Variants in EPM2A observed in about 807,000 individuals in gnomAD.
EPM2A encodes laforin.
EPM2A carries 21 observed loss-of-function variants against 26.5 expected under a neutral mutation model. That is an observed-to-expected ratio of 0.79 (90% confidence interval 0.56 to 1.14). EPM2A has a LOEUF of 1.14. Ranked by LOEUF, EPM2A falls within the 50% of genes most tolerant of loss-of-function variation. The pLI is 0.00. For missense variants in EPM2A, 458 were observed against 440.8 expected (o/e 1.04, Z -0.35); for synonymous variants, 217 against 177.6 (o/e 1.22, Z -1.76).
At chr6:145,539,716 T>C (rs566222535) in intron 2 of EPM2A, among the ~76,000 whole-genome samples, 15 of 152,348 alleles carry the variant, frequency 9.8e-5, no homozygotes, top group Non-Finnish European at 1.9e-4. Context: ...AACTTAATTG[T>C]ATTAACCATG....
At chr6:145,722,191 A>G (rs543950799) in intron 1 of EPM2A, among the ~76,000 whole-genome samples, 2 of 152,346 alleles carry the variant, frequency 1.3e-5, no homozygotes, top group South Asian at 4.1e-4. Flanking sequence ...GTTTAATCCA[A>G]GAGTAAAGGA....
In EPM2A at chr6:145,698,246, T is replaced by C. The variant is rs560671523; in HGVS notation, c.302-11950A>G. On this transcript the variant is annotated intron_variant, in intron 1 of 3. Transcript: ENST00000367519. ...ACATAGACAAAGGTCCTTGAGACATTTGTTATGCTTCAAATTCTATGAGAA... is the reference window on the plus strand; with the variant it reads ...ACATAGACAAAGGTCCTTGAGACATCTGTTATGCTTCAAATTCTATGAGAA... Among the ~76,000 whole-genome samples the C allele has an allele frequency of 2.6e-5, 4 of 152,320 alleles. No individual in the cohort carries two copies. The South Asian group carries it at 6.2e-4, about 24-fold the overall frequency.
At chr6:145,416,315 A>C (rs1778707800) in intron 4 of EPM2A, among the ~76,000 whole-genome samples, 1 of 151,040 alleles carries the variant, frequency 6.6e-6, no homozygotes, top group Admixed American at 6.6e-5. Flanking sequence ...TGATTATCTT[A>C]AACACAGAAC....
chr6:145,697,119 C>T (rs189332908), intron 1 of EPM2A, among the ~76,000 whole-genome samples: 112 of 152,122 alleles, frequency 7.4e-4, no homozygotes, highest in South Asian at 2.9e-3. Flanking sequence ...CGATATTTCA[C>T]GTAGGTTCTT....
chr6:145,450,155 C>T (rs1204228660), intron 4 of EPM2A, among the ~76,000 whole-genome samples: 3 of 151,714 alleles, frequency 2.0e-5, no homozygotes, highest in Non-Finnish European at 4.4e-5. Context: ...AGATCAAGAC[C>T]ACCCTGGCTA....
At chr6:145,416,944 T>C (rs1170016594) in intron 4 of EPM2A, among the ~76,000 whole-genome samples, 1 of 152,142 alleles carries the variant, frequency 6.6e-6, no homozygotes, top group Non-Finnish European at 1.5e-5. Context: ...TTTTAAAAAC[T>C]GTAAGAAGGG....
At chr6:145,461,925 GTA>G (rs1466511771) in intron 4 of EPM2A, among the ~76,000 whole-genome samples, 4 of 152,176 alleles carry the variant, frequency 2.6e-5, no homozygotes, top group African/African-American at 4.8e-5. Flanking sequence ...ATATGGGCGT[GTA>G]AAGGAATTGG....
chr6:145,508,039 C>A (rs1375050510), intron 2 of EPM2A, among the ~76,000 whole-genome samples: 1 of 152,170 alleles, frequency 6.6e-6, no homozygotes, highest in Non-Finnish European at 1.5e-5. Context: ...AGGTGCATAG[C>A]CTGCCAAAGC....
intron 4 of EPM2A, among the ~76,000 whole-genome samples, chr6:145,476,423 G>C (rs1174769157): frequency 6.6e-6 from 1 of 151,834 alleles, no homozygotes; most frequent in Non-Finnish European, 1.5e-5. Flanking sequence ...AAGAAAAACA[G>C]TCTTAATCTG....
chr6:145,440,084 C>T (rs2876626), intron 4 of EPM2A, among the ~76,000 whole-genome samples: 98,222 of 151,996 alleles, frequency 0.65, 33,471 homozygotes, highest in East Asian at 0.86. Flanking sequence ...TATATTAGCC[C>T]GTTTTCATGC....
intron 2 of EPM2A, among the ~76,000 whole-genome samples, chr6:145,669,155 A>G (rs1779461962): frequency 6.6e-6 from 1 of 152,168 alleles, no homozygotes; most frequent in South Asian, 2.1e-4. Flanking sequence ...AAAAATTAAA[A>G]GGACTTAGAA....
chr6:145,498,010 T>C, downstream of EPM2A, among the ~76,000 whole-genome samples: 1 of 152,074 alleles, frequency 6.6e-6, no homozygotes, highest in East Asian at 1.9e-4. Context: ...GGCCCCAGTT[T>C]GGAGGTCCTG....
At chr6:145,554,430 A>AGAT (rs1382052207) in intron 2 of EPM2A, among the ~76,000 whole-genome samples, 33 of 137,140 alleles carry the variant, frequency 2.4e-4, no homozygotes, top group African/African-American at 1.1e-3. Context: ...GATGATAGAT[A>AGAT]GATAGATAGA....
At chr6:145,384,100 G>GA (rs11291083) in intron 4 of EPM2A, 19 of 149,604 alleles carry the variant, frequency 1.3e-4, no homozygotes, top group South Asian at 6.4e-4. Flanking sequence ...TATCTGGCCT[G>GA]AAAAAAAAAA....
intron 2 of EPM2A, among the ~76,000 whole-genome samples, chr6:145,652,107 G>C (rs565704278): frequency 6.6e-6 from 1 of 152,128 alleles, no homozygotes; most frequent in Non-Finnish European, 1.5e-5. Flanking sequence ...AAAAAAGCCT[G>C]TACAGCTATT....
chr6:145,547,666 G>A (rs1780600815), intron 2 of EPM2A, among the ~76,000 whole-genome samples: 1 of 152,080 alleles, frequency 6.6e-6, no homozygotes, highest in Admixed American at 6.6e-5. Context: ...GATGAATAGA[G>A]ACAACTATAT....
chr6:145,644,692 A>AT (rs1393156833), intron 2 of EPM2A, among the ~76,000 whole-genome samples: 2 of 152,010 alleles, frequency 1.3e-5, no homozygotes, highest in Non-Finnish European at 2.9e-5. Flanking sequence ...TAAAAATATT[A>AT]TAATATTGAT....
chr6:145,552,159 A>G (rs1780664273), intron 2 of EPM2A, among the ~76,000 whole-genome samples: 2 of 152,000 alleles, frequency 1.3e-5, no homozygotes, highest in Non-Finnish European at 2.9e-5. Context: ...TCAGAAAAAG[A>G]TGCTTAAAAA....
chr6:145,449,522 G>A (rs913361511), intron 4 of EPM2A, among the ~76,000 whole-genome samples: 9 of 152,150 alleles, frequency 5.9e-5, no homozygotes, highest in African/African-American at 2.2e-4. Flanking sequence ...ACTTTGTGAG[G>A]TGAGTTGGTC....
Sources: allele counts gnomAD v4.1 joint callset (sites outside exome capture counted in the v4.1 genomes callset), GRCh38; gene constraint gnomAD v4.1.1; transcripts MANE v1.5; gene names NCBI Gene and HGNC (gene_info 2026-07-23, HGNC 2026-07-21).